Variants in SELENOS observed in about 807,000 individuals in gnomAD.
SELENOS encodes selenoprotein S, also known as VCP interacting membrane selenoprotein.
Under a neutral mutation model 30.2 loss-of-function variants are expected in SELENOS, and 37 were observed. The observed-to-expected ratio is 1.23, with a 90% CI of 0.94 to 1.61. The LOEUF (loss-of-function observed/expected upper bound fraction) is 1.61. Ranked by LOEUF, SELENOS falls within the 40% of genes most tolerant of loss-of-function variation. SELENOS has a pLI of 0.00. For missense variants in SELENOS, 289 were observed against 231.8 expected (o/e 1.25, Z -1.60); for synonymous variants, 119 against 91.6 (o/e 1.30, Z -1.71).
chr15:101,275,941 A>C (rs1202651784), intron 2 of SELENOS, among the ~76,000 whole-genome samples: 2 of 151,488 alleles, frequency 1.3e-5, no homozygotes, highest in Non-Finnish European at 2.9e-5. Flanking sequence ...AAAAGAAAGA[A>C]AAGACAGTCT....
chr15:101,272,914 A>G, intron 5 of SELENOS, 58 bp from the exon 6 acceptor site: 2 of 1,445,492 alleles, frequency 1.4e-6, no homozygotes, highest in South Asian at 2.4e-5. Context: ...ATCTGGGAAC[A>G]TTGTATATCC....
chr15:101,273,177 C>G (rs2039288768), intron 5 of SELENOS, among the ~76,000 whole-genome samples: 1 of 152,126 alleles, frequency 6.6e-6, no homozygotes, highest in Non-Finnish European at 1.5e-5. Context: ...TATCACAGTG[C>G]TTACTAAAAC....
At chr15:101,274,198 G>T in intron 5 of SELENOS, 1 of 596,842 alleles carries the variant, frequency 1.7e-6, no homozygotes, top group South Asian at 2.1e-5. Flanking sequence ...CCCTCTACGG[G>T]GCTGCAGAAG....
chr15:101,277,455 G>T lies in SELENOS; in HGVS notation c.-38C>A. ...CGCCGCCGCCCAGCCCTGCCGCCGC[G>T]CCTCCAGCCGGGCGCTTCCGGTGCG... On this transcript the variant is annotated 5_prime_UTR_variant, in exon 1 of 6. Transcript: ENST00000526049. The T allele has an allele frequency of 7.1e-7, 1 of 1,411,420 alleles. No homozygotes were observed. Among genetic ancestry groups the T allele is most frequent in the Non-Finnish European group, 9.2e-7 (1 of 1,092,588 alleles). The allele number at this position is 1,411,420 out of a possible 1,614,324, so 87.4% of individuals were successfully genotyped here.
Position 101,272,622 on chromosome 15 carries a change from C to G in SELENOS, c.*149G>C, listed in dbSNP as rs552394047. 8 of 736,876 alleles carry G rather than the reference C, an allele frequency of 1.1e-5. No individual in the cohort carries two copies. In the East Asian group the frequency reaches 2.2e-4, roughly 20 times the overall value. 45.6% of individuals were successfully genotyped at this position (736,876 alleles called of 1,614,324 possible). A position where few individuals can be genotyped will look rare whatever the true frequency, so the allele number is the denominator to read the frequency against. On this transcript the variant is annotated 3_prime_UTR_variant, in exon 6 of 6. Transcript: ENST00000526049. ...AGGCAACATCTATACCTTTTGCTGA[C>G]TGGAGCCCTGACATATGCAGGTGTA...
intron 1 of SELENOS, 154 bp downstream of exon 1, chr15:101,277,188 G>A (rs1186337360): frequency 3.9e-6 from 5 of 1,296,820 alleles, no homozygotes; most frequent in East Asian, 2.5e-5. Context: ...CGCAAGGTCC[G>A]GGCCTGCTGC....
chr15:101,275,402 A>G, intron 2 of SELENOS, 41 bp from the exon 3 acceptor site: 1 of 1,456,176 alleles, frequency 6.9e-7, no homozygotes, highest in Non-Finnish European at 9.1e-7. Context: ...CACTGTGTAC[A>G]ATATAAAATA....
chr15:101,276,663 A>G lies in SELENOS; in HGVS notation c.89T>C (p.Leu30Pro), dbSNP rs537723164. Residue 30 changes from leucine to proline, a missense_variant, in exon 2 of 6, where the codon CTG (leucine) becomes CCG (proline). Transcript: ENST00000526049. ...RFLHTTVGSL[L>P]ATYGWYIVFS... ...GACGATGTACCAGCCATAGGTGGCC[A>G]GCAGGGAGCCCACTGAAAAGAAAAA... 17 of 1,604,660 alleles carry G rather than the reference A, an allele frequency of 1.1e-5. No individual in the cohort carries two copies. In the East Asian group the frequency reaches 2.9e-4, roughly 27 times the overall value.
chr15:101,276,513 G>T, intron 2 of SELENOS, 28 bp downstream of exon 2: 1 of 1,573,012 alleles, frequency 6.4e-7, no homozygotes, highest in Non-Finnish European at 8.6e-7. Flanking sequence ...CAAAACCACC[G>T]CTTTCATTTC....
In SELENOS at chr15:101,277,385, C is replaced by T; in HGVS notation, c.33G>A (p.Arg11=). 1 of 1,505,528 alleles carries T rather than the reference C, an allele frequency of 6.6e-7. No homozygotes were observed. 93.3% of individuals were successfully genotyped at this position (1,505,528 alleles called of 1,614,324 possible). A position where few individuals can be genotyped will look rare whatever the true frequency, so the allele number is the denominator to read the frequency against. Residue 11 remains arginine, a synonymous_variant, in exon 1 of 6, where the codon CGG becomes CGA. Transcript: ENST00000526049. ...GCAGCCCCTCGGTCTCCAGGGCCGG[C>T]CGCGCGGACAGAGACTCCTCTTGGC... MERQEESLSA[R]PALETEGLRF...
chr15:101,272,871 A>C lies in SELENOS; in HGVS notation c.485-15T>G, dbSNP rs557580316. On this transcript the variant is annotated splice_polypyrimidine_tract_variant and intron_variant, in intron 5 of 5. Coordinates refer to ENST00000526049, the MANE Select transcript of SELENOS (RefSeq NM_018445.6). The stretch of plus-strand genomic sequence containing the variant: ...CGGGTTATAACCTGGGAGGACAGAA[A>C]AGCAGCACAACAGTATTGATAAAAA... 1 of 1,595,130 alleles carries C rather than the reference A, an allele frequency of 6.3e-7. No individual in the cohort carries two copies. The highest frequency in any genetic ancestry group is 2.3e-5 in the East Asian group (1 of 44,272).
intron 5 of SELENOS, among the ~76,000 whole-genome samples, chr15:101,273,385 C>T (rs2039291070): frequency 6.6e-6 from 1 of 152,172 alleles, no homozygotes; most frequent in African/African-American, 2.4e-5. Context: ...TAGGGCCACC[C>T]AGAACTTAAA....
At chr15:101,271,135 C>A (rs1245157271), downstream of SELENOS, 1 of 152,206 alleles carries the variant, frequency 6.6e-6, no homozygotes, top group Non-Finnish European at 1.5e-5. Flanking sequence ...CGACCCAGAG[C>A]CCCTCTACTC....
chr15:101,276,860 G>T, intron 1 of SELENOS, 185 bp from the exon 2 acceptor site: 1 of 665,762 alleles, frequency 1.5e-6, no homozygotes. Flanking sequence ...AGGGATCACT[G>T]AGAAGTGAGA....
chr15:101,275,741 A>T (rs2039318891), intron 2 of SELENOS, among the ~76,000 whole-genome samples: 1 of 152,136 alleles, frequency 6.6e-6, no homozygotes, highest in Non-Finnish European at 1.5e-5. Flanking sequence ...AGGAAATATA[A>T]AGTTTTCTAA....
In SELENOS at chr15:101,272,568, T is replaced by C. The variant is rs371863368; in HGVS notation, c.*203A>G. The C allele has an allele frequency of 1.9e-6, 1 of 529,778 alleles. No homozygotes were observed. The highest frequency in any genetic ancestry group is 3.4e-5 in the Admixed American group (1 of 29,466). 32.8% of individuals were successfully genotyped at this position (529,778 alleles called of 1,614,324 possible). ...AATGAATGCAATCACTGTCTCCAAG[T>C]AGAATGTGACCAATGACCTCATGCC... On this transcript the variant is annotated 3_prime_UTR_variant, in exon 6 of 6. Transcript: ENST00000526049.
At chr15:101,274,382 T>C (rs1421719032) in intron 5 of SELENOS, 38 bp downstream of exon 5, 2 of 1,576,476 alleles carry the variant, frequency 1.3e-6, no homozygotes, top group African/African-American at 2.7e-5. Flanking sequence ...CCTGTAAGTG[T>C]TGAAAATCTG....
At chr15:101,270,809 C>T (rs935703510), downstream of SELENOS, 1 of 152,154 alleles carries the variant, frequency 6.6e-6, no homozygotes, top group African/African-American at 2.4e-5. Flanking sequence ...GACACTCCTG[C>T]CACGTGGTAA....
rs1488038280 is a variant in SELENOS, at chr15:101,274,154, G to T, written c.484+266C>A. On this transcript the variant is annotated intron_variant, in intron 5 of 5. Transcript: ENST00000526049. ...TCCAGCTCCTTGACACTCATCTGAAGATTGGCAGACAATTCCTCACCCTAC... is the reference window on the plus strand; with the variant it reads ...TCCAGCTCCTTGACACTCATCTGAATATTGGCAGACAATTCCTCACCCTAC... 1.5e-5 allele frequency: 8 copies of T among 529,136 alleles called. No individual in the cohort carries two copies. In the Admixed American group the frequency reaches 2.5e-4, roughly 17 times the overall value. The allele number at this position is 529,136 out of a possible 1,614,324, so 32.8% of individuals were successfully genotyped here.
Sources: allele counts gnomAD v4.1 joint callset (sites outside exome capture counted in the v4.1 genomes callset), GRCh38; gene constraint gnomAD v4.1.1; transcripts MANE v1.5; gene names NCBI Gene and HGNC (gene_info 2026-07-23, HGNC 2026-07-21).